Variants in TASP1 observed in about 807,000 individuals in gnomAD.
TASP1 encodes threonine aspartase 1.
Under a neutral mutation model 56.6 loss-of-function variants are expected in TASP1, and 16 were observed. That is an observed-to-expected ratio of 0.28 (90% CI 0.19 to 0.43). The LOEUF is 0.43. Among genes scored for constraint, TASP1 ranks in the 20% least tolerant of loss-of-function variants. The pLI, the probability that TASP1 is intolerant of heterozygous loss-of-function variation, is 1.00. For synonymous variants in TASP1, 179 were observed against 184.2 expected (o/e 0.97, Z 0.23); for missense variants, 393 against 511.6 (o/e 0.77, Z 2.24).
chr20:13,528,552 C>A, intron 9 of TASP1, 41 bp from the exon 10 acceptor site: 1 of 1,493,196 alleles, frequency 6.7e-7, no homozygotes, highest in South Asian at 1.2e-5. Flanking sequence ...TCAGAAATAT[C>A]ATATGTAATT....
At chr20:13,196,928 T>C in the TASP1 span, among the ~76,000 whole-genome samples, 2 of 152,324 alleles carry the variant, frequency 1.3e-5, no homozygotes, top group Non-Finnish European at 2.9e-5. Flanking sequence ...TACTTGTATA[T>C]TGTAAGTTCC....
intron 4 of TASP1, among the ~76,000 whole-genome samples, chr20:13,601,194 C>T (rs901916127): frequency 1.3e-5 from 2 of 152,042 alleles, no homozygotes; most frequent in Admixed American, 6.6e-5. Flanking sequence ...GGGAGGATGG[C>T]TTGAGCCTGG....
chr20:13,110,073 C>T, the TASP1 span: 1 of 1,538,764 alleles, frequency 6.5e-7, no homozygotes, highest in East Asian at 2.3e-5. Context: ...AAAGTAAACC[C>T]TTTCATGACT....
chr20:13,364,243 T>C, the TASP1 span, among the ~76,000 whole-genome samples: 1 of 152,218 alleles, frequency 6.6e-6, no homozygotes, highest in Admixed American at 6.5e-5. Context: ...ATAAAAGTTT[T>C]TACCTTTATT....
At chr20:13,318,117 G>A in the TASP1 span, among the ~76,000 whole-genome samples, 1 of 96,050 alleles carries the variant, frequency 1.0e-5, no homozygotes, top group Non-Finnish European at 2.3e-5. Context: ...TTCTTTAAAT[G>A]TTTCTGAGGA....
intron 11 of TASP1, among the ~76,000 whole-genome samples, chr20:13,456,131 T>C (rs1236700000): frequency 6.6e-6 from 1 of 152,094 alleles, no homozygotes; most frequent in Non-Finnish European, 1.5e-5. Context: ...TACAAAGAGA[T>C]GGAAGTAAAC....
At chr20:13,448,931 T>C (rs1055537241) in intron 11 of TASP1, among the ~76,000 whole-genome samples, 3 of 152,006 alleles carry the variant, frequency 2.0e-5, no homozygotes, top group African/African-American at 7.2e-5. Context: ...AGATGGCAAG[T>C]TGTCTTCGAG....
the TASP1 span, among the ~76,000 whole-genome samples, chr20:13,360,892 C>T: frequency 6.6e-6 from 1 of 152,172 alleles, no homozygotes; most frequent in African/African-American, 2.4e-5. Flanking sequence ...CCCAAATTTC[C>T]TTCTTTCCTG....
At chr20:13,136,682 T>C in the TASP1 span, among the ~76,000 whole-genome samples, 1 of 147,392 alleles carries the variant, frequency 6.8e-6, no homozygotes, top group African/African-American at 2.5e-5. Flanking sequence ...TATACTTATA[T>C]AGTATATAAA....
At chr20:13,192,674 C>T in the TASP1 span, among the ~76,000 whole-genome samples, 1 of 152,056 alleles carries the variant, frequency 6.6e-6, no homozygotes, top group Non-Finnish European at 1.5e-5. Context: ...GCCAAGACTA[C>T]AGGCACGCAC....
chr20:13,151,359 G>C, the TASP1 span, among the ~76,000 whole-genome samples: 1 of 152,144 alleles, frequency 6.6e-6, no homozygotes, highest in African/African-American at 2.4e-5. Flanking sequence ...TGGCTTCCTT[G>C]CTAACACCCA....
the TASP1 span, among the ~76,000 whole-genome samples, chr20:13,356,793 T>C: frequency 6.6e-6 from 1 of 152,170 alleles, no homozygotes; most frequent in Non-Finnish European, 1.5e-5. Flanking sequence ...CTTGACCTCT[T>C]CCTTCCACAA....
chr20:13,286,709 C>T, the TASP1 span, among the ~76,000 whole-genome samples: 1 of 152,182 alleles, frequency 6.6e-6, no homozygotes. Flanking sequence ...GGCTCCACAG[C>T]CCTGTGTTTG....
At chr20:13,200,191 T>C in the TASP1 span, among the ~76,000 whole-genome samples, 2 of 152,032 alleles carry the variant, frequency 1.3e-5, no homozygotes. Context: ...ACATAACCCA[T>C]AGTGATTAAT....
the TASP1 span, among the ~76,000 whole-genome samples, chr20:13,258,577 T>G: frequency 6.6e-6 from 1 of 152,176 alleles, no homozygotes; most frequent in African/African-American, 2.4e-5. Flanking sequence ...TGTTCTCTGT[T>G]GAACATCTCC....
At chr20:13,451,825 T>C (rs1451079353) in intron 11 of TASP1, among the ~76,000 whole-genome samples, 1 of 152,102 alleles carries the variant, frequency 6.6e-6, no homozygotes, top group Non-Finnish European at 1.5e-5. Context: ...TTTTGACCCA[T>C]CTCAGCTTTT....
intron 13 of TASP1, among the ~76,000 whole-genome samples, chr20:13,409,385 T>C (rs1364838645): frequency 6.6e-6 from 1 of 152,054 alleles, no homozygotes; most frequent in East Asian, 1.9e-4. Flanking sequence ...ATTACTCCTT[T>C]TATTACTGTC....
chr20:13,129,824 G>A, the TASP1 span, among the ~76,000 whole-genome samples: 2 of 152,284 alleles, frequency 1.3e-5, no homozygotes, highest in African/African-American at 2.4e-5. Context: ...TTCCCCTGAG[G>A]TAGTAGATAT....
intron 4 of TASP1, among the ~76,000 whole-genome samples, chr20:13,616,619 G>T (rs2048533526): frequency 1.3e-5 from 2 of 151,146 alleles, no homozygotes; most frequent in South Asian, 4.2e-4. Flanking sequence ...TGTAATCATT[G>T]ATTCCGTTTT....
Sources: gnomAD v4.1 joint callset for allele counts (sites outside exome capture counted in the v4.1 genomes callset) on GRCh38, gnomAD v4.1.1 for gene constraint, MANE v1.5 for transcripts, NCBI Gene and HGNC (gene_info 2026-07-23, HGNC 2026-07-21) for gene names.